The following ARHGEF10L variants were observed in gnomAD, a reference collection of about 807,000 sequenced individuals.
The protein encoded by ARHGEF10L is rho guanine nucleotide exchange factor 10-like protein.
In ARHGEF10L, 69 loss-of-function variants were observed where a neutral mutation model predicts 141.2. The ratio of observed to expected loss-of-function variants is 0.49; its 90% CI spans 0.40 to 0.60. ARHGEF10L has a LOEUF of 0.60. Among genes scored for constraint, ARHGEF10L ranks in the 20% least tolerant of loss-of-function variants. The pLI is 0.00. For missense variants in ARHGEF10L, 1,482 were observed against 1,734.3 expected (o/e 0.85, Z 2.58); for synonymous variants, 711 against 718.5 (o/e 0.99, Z 0.17).
At chr1:17,632,499 C>T in intron 16 of ARHGEF10L, 33 bp downstream of exon 16, 1 of 1,613,312 alleles carries the variant, frequency 6.2e-7, no homozygotes, top group Non-Finnish European at 8.5e-7. Flanking sequence ...GGGCAATCAC[C>T]CCTCCCTGGA....
rs746215399 is a variant in ARHGEF10L at position 17,613,008 on chromosome 1, G to T, written c.610-50G>T. On this transcript the variant is annotated intron_variant, in intron 7 of 28. Coordinates refer to ENST00000361221, the MANE Select transcript of ARHGEF10L (RefSeq NM_018125.4). ...CTGTGTTTTGTCTCCTTCCTGTCCC[G>T]CCTGCTCCTCTCACCTGCTTTCCTT... is the stretch of plus-strand genomic sequence containing the variant. The T allele has an allele frequency of 2.3e-6, 3 of 1,285,786 alleles. No homozygotes were observed. The East Asian group carries it at 7.0e-5, about 30-fold the overall frequency. The allele number at this position is 1,285,786 out of a possible 1,614,324, so 79.6% of individuals were successfully genotyped here. A position where few individuals can be genotyped will look rare whatever the true frequency, so the allele number is the denominator to read the frequency against.
At chr1:17,542,259 G>C (rs866758372) in intron 1 of ARHGEF10L, among the ~76,000 whole-genome samples, 22 of 151,986 alleles carry the variant, frequency 1.4e-4, no homozygotes, top group South Asian at 4.2e-4. Context: ...GACCAGCCTG[G>C]GCAACACAAG....
intron 22 of ARHGEF10L, among the ~76,000 whole-genome samples, chr1:17,653,179 G>C (rs1353661926): frequency 6.6e-6 from 1 of 152,168 alleles, no homozygotes; most frequent in Non-Finnish European, 1.5e-5. Context: ...TGCTCTGTAG[G>C]TGAGGACCTG....
intron 25 of ARHGEF10L, among the ~76,000 whole-genome samples, chr1:17,662,084 A>G (rs1164242438): frequency 6.6e-6 from 1 of 152,104 alleles, no homozygotes; most frequent in Non-Finnish European, 1.5e-5. Flanking sequence ...AAATGGCATC[A>G]AACAGTAAGA....
At chr1:17,537,898 G>A (rs568604124), upstream of ARHGEF10L, among the ~76,000 whole-genome samples, 19 of 148,372 alleles carry the variant, frequency 1.3e-4, no homozygotes, top group African/African-American at 3.2e-4. Context: ...AAAAAAATGA[G>A]CCAGGCATGG....
At chr1:17,533,450 G>A in the ARHGEF10L span, among the ~76,000 whole-genome samples, 9 of 152,128 alleles carry the variant, frequency 5.9e-5, no homozygotes, top group East Asian at 5.8e-4. Flanking sequence ...GATTATAAGC[G>A]TGAGCCACTG....
intron 18 of ARHGEF10L, among the ~76,000 whole-genome samples, chr1:17,636,449 A>G (rs147719734): frequency 6.6e-6 from 1 of 152,360 alleles, no homozygotes; most frequent in Non-Finnish European, 1.5e-5. Flanking sequence ...CATTCAAATT[A>G]ACAGCATTAA....
chr1:17,638,080 G>T, intron 19 of ARHGEF10L, 77 bp downstream of exon 19: 1 of 1,326,836 alleles, frequency 7.5e-7, no homozygotes, highest in Non-Finnish European at 1.0e-6. Context: ...GCTGAGTAGG[G>T]AGGGGCTCCT....
At position 17,634,840 on chromosome 1, in the gene ARHGEF10L, A is replaced by G; in HGVS notation, c.1751A>G (p.Gln584Arg). The change falls in exon 18 of 29, where the codon CAG (glutamine) becomes CGG (arginine). Residue 584 changes from glutamine (Q) to arginine (R), a missense_variant. By Grantham distance (43) the Gln-to-Arg change is conservative (BLOSUM62 1). Transcript: ENST00000361221. ...TGTCCTCTCTGTTCCAACAGGGGCC[A>G]GCTGGAGATCAGCAGCCTGGTGCCC... ...INFKPANHRG[Q>R]LEISSLVPLG... The G allele has an allele frequency of 6.2e-7, 1 of 1,612,904 alleles. No individual in the cohort carries two copies. The highest frequency in any genetic ancestry group is 8.5e-7 in the Non-Finnish European group (1 of 1,179,446).
chr1:17,585,909 G>A (rs371370907), intron 2 of ARHGEF10L, among the ~76,000 whole-genome samples: 17 of 152,172 alleles, frequency 1.1e-4, no homozygotes, highest in African/African-American at 3.6e-4. Flanking sequence ...AAGGATCTGC[G>A]GCTGTTGTTG....
At chr1:17,608,667 G>A (rs1474950906) in intron 7 of ARHGEF10L, among the ~76,000 whole-genome samples, 1 of 152,202 alleles carries the variant, frequency 6.6e-6, no homozygotes, top group East Asian at 1.9e-4. Flanking sequence ...TTCTGCGGAA[G>A]CCACCAAGAG....
At chr1:17,637,810 T>G (rs1265986868) in intron 18 of ARHGEF10L, 78 bp from the exon 19 acceptor site, 2 of 1,350,770 alleles carry the variant, frequency 1.5e-6, no homozygotes, top group African/African-American at 2.9e-5. Context: ...AGCCTCTGGA[T>G]CTTTTTTGTT....
intron 26 of ARHGEF10L, among the ~76,000 whole-genome samples, chr1:17,687,272 C>T (rs993458883): frequency 7.2e-5 from 11 of 152,166 alleles, no homozygotes; most frequent in South Asian, 2.1e-4. Context: ...GCTCCTCACT[C>T]GGTGATATCA....
chr1:17,596,417 C>T (rs1381860765), intron 4 of ARHGEF10L, among the ~76,000 whole-genome samples: 1 of 152,236 alleles, frequency 6.6e-6, no homozygotes, highest in Non-Finnish European at 1.5e-5. Flanking sequence ...TGTCCTGTCC[C>T]TCCCTGTGCT....
intron 2 of ARHGEF10L, among the ~76,000 whole-genome samples, chr1:17,582,404 A>G (rs139730425): frequency 2.6e-5 from 4 of 152,344 alleles, no homozygotes; most frequent in Non-Finnish European, 5.9e-5. Flanking sequence ...GCTGGCTAGT[A>G]TCATCTGGGT....
chr1:17,551,290 G>A (rs1315172235), intron 1 of ARHGEF10L, among the ~76,000 whole-genome samples: 2 of 152,140 alleles, frequency 1.3e-5, no homozygotes, highest in African/African-American at 2.4e-5. Context: ...CCTTAATCTG[G>A]TGAGGGAGGT....
intron 4 of ARHGEF10L, among the ~76,000 whole-genome samples, chr1:17,593,758 T>A (rs1021178432): frequency 1.3e-5 from 2 of 150,814 alleles, no homozygotes; most frequent in Non-Finnish European, 3.0e-5. Context: ...GTGTTGTAAG[T>A]CACTAAGTTC....
chr1:17,612,323 A>G (rs748027802), intron 7 of ARHGEF10L, among the ~76,000 whole-genome samples: 7 of 147,992 alleles, frequency 4.7e-5, no homozygotes, highest in Non-Finnish European at 7.5e-5. Context: ...CCATTCTCCT[A>G]CCGTCCATCC....
At chr1:17,538,357 C>A (rs1389392524), upstream of ARHGEF10L, among the ~76,000 whole-genome samples, 1 of 152,194 alleles carries the variant, frequency 6.6e-6, no homozygotes, top group African/African-American at 2.4e-5. Flanking sequence ...GTGTCTCCTG[C>A]GTGCCTAGAA....
Sources: gnomAD v4.1 joint callset for allele counts (sites outside exome capture counted in the v4.1 genomes callset) on GRCh38, gnomAD v4.1.1 for gene constraint, MANE v1.5 for transcripts, NCBI Gene and HGNC (gene_info 2026-07-23, HGNC 2026-07-21) for gene names.